The following UTRN variants were observed in gnomAD, a reference collection of about 807,000 sequenced individuals.
UTRN encodes dystrophin-related protein 1.
UTRN carries 283 observed loss-of-function variants against 463.9 expected under a neutral mutation model. The ratio of observed to expected loss-of-function variants is 0.61; its 90% CI spans 0.55 to 0.67. UTRN has a LOEUF of 0.67. UTRN is among the 30% of genes least tolerant of loss of function. The pLI is 0.00. For missense variants in UTRN, 3,922 were observed against 4,084.3 expected, an observed-to-expected ratio of 0.96 and a Z score of 1.08; for synonymous variants, 1,442 against 1,431.5, an observed-to-expected ratio of 1.01 and a Z score of -0.17.
At chr6:144,411,458 G>A (rs1206336573) in intron 3 of UTRN, among the ~76,000 whole-genome samples, 5 of 152,178 alleles carry the variant, frequency 3.3e-5, no homozygotes, top group Admixed American at 1.3e-4. Context: ...CTGATTGTCC[G>A]TGGAGTATGC....
At chr6:144,331,880 G>C (rs1473317094) in intron 2 of UTRN, among the ~76,000 whole-genome samples, 6 of 152,182 alleles carry the variant, frequency 3.9e-5, no homozygotes, top group African/African-American at 1.4e-4. Flanking sequence ...CCAGGCTGAG[G>C]AGAAAGTGTT....
At chr6:144,753,764 G>A (rs910352229) in intron 56 of UTRN, among the ~76,000 whole-genome samples, 4 of 151,800 alleles carry the variant, frequency 2.6e-5, no homozygotes, top group Non-Finnish European at 5.9e-5. Context: ...CTACCTGGGA[G>A]GCTAAGGTGG....
At chr6:144,418,218 C>CTTTTT in intron 3 of UTRN, among the ~76,000 whole-genome samples, 1 of 139,604 alleles carries the variant, frequency 7.2e-6, no homozygotes, top group African/African-American at 2.7e-5. Context: ...ATTTATATTT[C>CTTTTT]TTTTTTTTTT....
intron 58 of UTRN, among the ~76,000 whole-genome samples, chr6:144,765,832 T>C (rs1334433557): frequency 5.3e-5 from 8 of 152,310 alleles, no homozygotes; most frequent in Non-Finnish European, 1.2e-4. Context: ...TCTAAACTTT[T>C]GCAGTACCTA....
At chr6:144,737,478 GGTGT>G (rs148906153) in intron 54 of UTRN, among the ~76,000 whole-genome samples, 2,737 of 152,244 alleles carry the variant, frequency 0.018, 71 homozygotes, top group African/African-American at 0.06. Flanking sequence ...TGTGAATTAT[GGTGT>G]GTGTATTTCT....
At chr6:144,787,963 A>G (rs1298662122) in intron 61 of UTRN, among the ~76,000 whole-genome samples, 2 of 152,160 alleles carry the variant, frequency 1.3e-5, no homozygotes, top group Non-Finnish European at 2.9e-5. Flanking sequence ...AGCAAGGATA[A>G]TATCTTATTA....
chr6:144,796,772 A>T (rs1777256935), intron 63 of UTRN, among the ~76,000 whole-genome samples: 1 of 152,222 alleles, frequency 6.6e-6, no homozygotes, highest in Non-Finnish European at 1.5e-5. Context: ...AAAGGCTCAC[A>T]CCGTGTCTTT....
Position 144,537,692 on chromosome 6 carries a change from T to A in UTRN, c.6344T>A (p.Leu2115Ter). ...ATGCAAAAGAGATCAACCACCGAAT[T>A]GGGAGAAAACCTGCAAGAATTAAGA... is the stretch of plus-strand genomic sequence containing the variant. ...HAMQKRSTTE[L>*]GENLQELRDL... The change falls in exon 44 of 75, where the codon TTG becomes TAG. Residue 2115 changes from leucine to a stop codon, truncating the protein, a stop_gained. Transcript: ENST00000367545. LOFTEE classifies it high-confidence loss of function. 6.2e-7 allele frequency: 1 copy of A among 1,610,600 alleles called. No individual in the cohort carries two copies. Among genetic ancestry groups the A allele is most frequent in the Middle Eastern group, 1.7e-4 (1 of 6,054 alleles).
At chr6:144,380,070 C>T (rs906511969) in intron 2 of UTRN, among the ~76,000 whole-genome samples, 3 of 152,022 alleles carry the variant, frequency 2.0e-5, no homozygotes, top group Admixed American at 6.6e-5. Context: ...AAATAAATGT[C>T]ATGTATATGT....
intron 53 of UTRN, among the ~76,000 whole-genome samples, chr6:144,718,721 C>T (rs1786774765): frequency 6.6e-6 from 1 of 152,204 alleles, no homozygotes; most frequent in African/African-American, 2.4e-5. Context: ...TTAACATCTC[C>T]TCCTTCATTC....
At chr6:144,347,365 C>T (rs755700046) in intron 2 of UTRN, among the ~76,000 whole-genome samples, 4 of 152,200 alleles carry the variant, frequency 2.6e-5, no homozygotes, top group Non-Finnish European at 5.9e-5. Flanking sequence ...TATTCGTCCC[C>T]CACTAGACTG....
At chr6:144,715,063 A>G (rs1045946972) in intron 53 of UTRN, among the ~76,000 whole-genome samples, 5 of 152,050 alleles carry the variant, frequency 3.3e-5, no homozygotes, top group African/African-American at 7.2e-5. Flanking sequence ...AATGCCATCT[A>G]TATGCCAAGC....
chr6:144,771,710 C>T (rs1323181252), intron 58 of UTRN, among the ~76,000 whole-genome samples, 197 bp from the exon 59 acceptor site: 1 of 152,012 alleles, frequency 6.6e-6, no homozygotes, highest in Non-Finnish European at 1.5e-5. Context: ...ACAGGAAGAG[C>T]CACTGCCCCT....
chr6:144,311,234 C>T (rs1412752496), intron 2 of UTRN, among the ~76,000 whole-genome samples: 2 of 152,130 alleles, frequency 1.3e-5, no homozygotes, highest in African/African-American at 2.4e-5. Context: ...TTATTTTTGC[C>T]TTGGAAGTCT....
chr6:144,533,232 G>A lies in UTRN; in HGVS notation c.6205G>A (p.Val2069Ile), dbSNP rs1178883976. Reference protein sequence around the residue: ...AGLNQRWDAIVAEVKDRQPRL... With the variant: ...AGLNQRWDAIIAEVKDRQPRL... ...TTTAAACCAACGCTGGGATGCAATT[G>A]TTGCAGAAGTGAAGGATAGGCAGCC... The change falls in exon 43 of 75, where the codon GTT becomes ATT. Residue 2069 changes from valine to isoleucine, a missense_variant. Coordinates refer to ENST00000367545, the MANE Select transcript of UTRN (RefSeq NM_007124.3). 4.3e-6 allele frequency: 7 copies of A among 1,614,006 alleles called. No homozygotes were observed. The African/African-American group carries it at 5.3e-5, about 12-fold the overall frequency.
intron 60 of UTRN, among the ~76,000 whole-genome samples, chr6:144,775,867 A>C (rs1775277459): frequency 6.6e-6 from 1 of 152,056 alleles, no homozygotes; most frequent in African/African-American, 2.4e-5. Context: ...GAAGAAAAAA[A>C]CCCCCTCCTC....
intron 2 of UTRN, among the ~76,000 whole-genome samples, chr6:144,306,177 C>T (rs548275060): frequency 1.3e-5 from 2 of 152,248 alleles, no homozygotes; most frequent in East Asian, 3.9e-4. Flanking sequence ...CTCTCTCACT[C>T]CTGGTTTGGG....
chr6:144,666,093 A>G (rs1780360744), intron 51 of UTRN, among the ~76,000 whole-genome samples: 1 of 152,186 alleles, frequency 6.6e-6, no homozygotes, highest in African/African-American at 2.4e-5. Flanking sequence ...AGTAGGGCCA[A>G]GTCTCCCAGC....
In UTRN at chr6:144,511,032, G is replaced by C. The variant is rs945820060; in HGVS notation, c.4853G>C (p.Ser1618Thr). 24 of 1,613,450 alleles carry C rather than the reference G, an allele frequency of 1.5e-5. No individual in the cohort carries two copies. The Middle Eastern group carries it at 6.6e-4, about 44-fold the overall frequency. ...GCCCTGCAAAACTTGATTGAGGGCA[G>C]TGAGCCTATTTTAGAAGAGAGGCTC... ...SAALQNLIEG[S>T]EPILEERLCV... The change falls in exon 35 of 75, where the codon AGT (serine) becomes ACT (threonine). Residue 1618 changes from serine (S) to threonine (T), a missense_variant. Ser to Thr is a moderately conservative substitution (Grantham distance 58). Transcript: ENST00000367545.
Sources: gnomAD v4.1 joint callset for allele counts (sites outside exome capture counted in the v4.1 genomes callset) on GRCh38, gnomAD v4.1.1 for gene constraint, MANE v1.5 for transcripts, NCBI Gene and HGNC (gene_info 2026-07-23, HGNC 2026-07-21) for gene names.